PSME4: variants seen among roughly 807,000 people sequenced by gnomAD.
The protein encoded by PSME4 is proteasome activator complex subunit 4.
PSME4 carries 89 observed loss-of-function variants against 253.9 expected under a neutral mutation model. The observed-to-expected ratio is 0.35, with a 90% CI of 0.30 to 0.42. The LOEUF is 0.42. Among genes scored for constraint, PSME4 ranks in the 10% least tolerant of loss-of-function variants. The pLI, the probability that PSME4 is intolerant of heterozygous loss-of-function variation, is 1.00. For synonymous variants in PSME4, 851 were observed against 759.2 expected, an observed-to-expected ratio of 1.12 and a Z score of -1.99; for missense variants, 2,014 against 2,195.2, an observed-to-expected ratio of 0.92 and a Z score of 1.65.
At chr2:53,943,552 A>G (rs1160400939) in intron 3 of PSME4, among the ~76,000 whole-genome samples, 1 of 152,216 alleles carries the variant, frequency 6.6e-6, no homozygotes, top group African/African-American at 2.4e-5. Context: ...AAAGAAAGGT[A>G]TAAATACGCC....
At chr2:53,914,490 G>C (rs995317779) in intron 20 of PSME4, among the ~76,000 whole-genome samples, 1 of 152,052 alleles carries the variant, frequency 6.6e-6, no homozygotes, top group Non-Finnish European at 1.5e-5. Context: ...AATTCAAACT[G>C]TTTTCAATAG....
At chr2:53,933,774 A>G (rs1240567255) in intron 8 of PSME4, among the ~76,000 whole-genome samples, 1 of 152,180 alleles carries the variant, frequency 6.6e-6, no homozygotes, top group Non-Finnish European at 1.5e-5. Flanking sequence ...AATACTAATC[A>G]CTATCCAATT....
intron 26 of PSME4, among the ~76,000 whole-genome samples, chr2:53,905,956 C>T (rs536277678): frequency 5.9e-5 from 9 of 152,264 alleles, no homozygotes; most frequent in South Asian, 4.1e-4. Context: ...ATCTGTAACG[C>T]TCCAATAAAC....
At chr2:53,937,567 A>C in intron 4 of PSME4, 27 bp from the exon 5 acceptor site, 1 of 1,599,312 alleles carries the variant, frequency 6.3e-7, no homozygotes, top group African/African-American at 1.4e-5. Flanking sequence ...GTTTTCATGT[A>C]TCTGATTATT....
chr2:53,892,929 A>G lies in PSME4; in HGVS notation c.4070T>C (p.Leu1357Pro), dbSNP rs750406430. Reference sequence around the variant, plus strand: ...TTCTAAATGGGGCTTCAGAACTGGCAGGAAGGCATCATCAAAATTCCTGAA... The same window carrying G: ...TTCTAAATGGGGCTTCAGAACTGGCGGGAAGGCATCATCAAAATTCCTGAA... The part of the protein sequence containing the change: ...GIFRNFDDAF[L>P]PVLKPHLEHL... The change falls in exon 36 of 47, where the codon CTG becomes CCG. Residue 1357 changes from leucine to proline, a missense_variant. By Grantham distance (98) the Leu-to-Pro change is moderately conservative (BLOSUM62 -3). Around this residue, in one of 4 missense-constraint regions of PSME4, gnomAD observed 989 missense variants for 1,021.1 expected, o/e 0.97. Transcript: ENST00000404125. 1.2e-6 allele frequency: 2 copies of G among 1,613,608 alleles called. No individual in the cohort carries two copies. The highest frequency in any genetic ancestry group is 1.1e-5 in the South Asian group (1 of 90,972).
chr2:53,893,780 T>C lies in PSME4; in HGVS notation c.3932A>G (p.Asp1311Gly), dbSNP rs753305390. Residue 1311 changes from aspartate to glycine, a missense_variant, in exon 35 of 47, where the codon GAT (aspartate) becomes GGT (glycine). Physicochemically the swap from Asp to Gly is moderately conservative, Grantham distance 94. This residue lies in a region of PSME4 where 989 missense variants were observed against 1,021.1 expected (regional missense o/e 0.97). Coordinates refer to ENST00000404125, the MANE Select transcript of PSME4 (RefSeq NM_014614.3). The stretch of plus-strand genomic sequence containing the variant: ...AACAAATTTAGGATCAGAAAAATGA[T>C]CAAATATAATCTGTTCTGCCTATAA... ...DMTEAEQIIFDHFSDPKFVEQ... is the reference protein window; with the variant it reads ...DMTEAEQIIFGHFSDPKFVEQ... 6.2e-7 allele frequency: 1 copy of C among 1,609,006 alleles called. No homozygotes were observed. The highest frequency in any genetic ancestry group is 1.3e-5 in the African/African-American group (1 of 74,818).
At chr2:53,890,661 A>T (rs1182079244) in intron 36 of PSME4, among the ~76,000 whole-genome samples, 1 of 152,168 alleles carries the variant, frequency 6.6e-6, no homozygotes, top group Admixed American at 6.6e-5. Flanking sequence ...ATCACCATAC[A>T]TATCCAGGTA....
At chr2:53,940,865 T>C (rs1047627856) in intron 3 of PSME4, among the ~76,000 whole-genome samples, 1 of 136,108 alleles carries the variant, frequency 7.3e-6, no homozygotes, top group South Asian at 2.3e-4. Context: ...ATATATATAA[T>C]ATATATTTAA....
intron 1 of PSME4, among the ~76,000 whole-genome samples, chr2:53,959,745 A>C (rs188162372): frequency 4.9e-4 from 74 of 152,338 alleles, no homozygotes; most frequent in African/African-American, 1.7e-3. Context: ...GTGAACAAAT[A>C]AGAGGAAAGG....
chr2:53,893,569 G>C lies in PSME4; in HGVS notation c.4038+105C>G. The C allele has an allele frequency of 1.9e-6, 3 of 1,546,170 alleles. No homozygotes were observed. The African/African-American group carries it at 4.2e-5, about 22-fold the overall frequency. On this transcript the variant is annotated intron_variant, in intron 35 of 46. Coordinates refer to ENST00000404125, the MANE Select transcript of PSME4 (RefSeq NM_014614.3). ...CAGTGTAAATTCCAGTGCCATTTTA[G>C]ATCAAGGCAGATGGCTAGCTTTGAT...
intron 17 of PSME4, 29 bp from the exon 18 acceptor site, chr2:53,921,133 T>C: frequency 3.7e-6 from 6 of 1,611,222 alleles, no homozygotes; most frequent in Non-Finnish European, 5.1e-6. Context: ...TAGTTGAAGA[T>C]ATTTTGGTTA....
At chr2:53,921,640 G>A (rs183012521) in intron 17 of PSME4, among the ~76,000 whole-genome samples, 5,140 of 127,080 alleles carry the variant, frequency 0.04, 111 homozygotes, top group Middle Eastern at 0.057. Flanking sequence ...AGGCCGAGGC[G>A]GGCGGATCAC....
intron 1 of PSME4, among the ~76,000 whole-genome samples, chr2:53,968,075 C>T (rs1197094743): frequency 6.6e-6 from 1 of 151,994 alleles, no homozygotes; most frequent in African/African-American, 2.4e-5. Flanking sequence ...GAGTTCAAGA[C>T]CAGCCTGACC....
At chr2:53,892,216 G>A (rs544692450) in intron 36 of PSME4, among the ~76,000 whole-genome samples, 6 of 152,102 alleles carry the variant, frequency 3.9e-5, no homozygotes, top group South Asian at 2.1e-4. Flanking sequence ...TCATCTCTTC[G>A]ACAAAATAGT....
intron 3 of PSME4, among the ~76,000 whole-genome samples, chr2:53,940,959 A>AAATATATATATATACATATT (rs1558413796): frequency 6.9e-4 from 17 of 24,816 alleles, no homozygotes; most frequent in East Asian, 5.6e-3. Context: ...ATACATATAT[A>AAATATATATATATACATATT]TATATATATA....
chr2:53,968,253 C>T (rs1240020175), intron 1 of PSME4, among the ~76,000 whole-genome samples: 7 of 129,838 alleles, frequency 5.4e-5, no homozygotes, highest in Admixed American at 3.4e-4. Flanking sequence ...CCAGCCTGGG[C>T]AACAAAGCAA....
At chr2:53,898,546 A>G (rs1680245000) in intron 29 of PSME4, among the ~76,000 whole-genome samples, 192 bp from the exon 30 acceptor site, 1 of 151,834 alleles carries the variant, frequency 6.6e-6, no homozygotes, top group African/African-American at 2.4e-5. Context: ...GGAAAAGCTC[A>G]TGAAAGGCTA....
In PSME4 at chr2:53,894,996, G is replaced by C; in HGVS notation, c.3912+11C>G. On this transcript the variant is annotated intron_variant, in intron 34 of 46. Transcript: ENST00000404125. ...AGATGCATTTGAACCATGGTGAAATGGAATGCTTACCTCTGTCATATCCTC... is the reference window on the plus strand; with the variant it reads ...AGATGCATTTGAACCATGGTGAAATCGAATGCTTACCTCTGTCATATCCTC... 1 of 1,604,240 alleles carries C rather than the reference G, an allele frequency of 6.2e-7. No homozygotes were observed.
intron 5 of PSME4, 60 bp downstream of exon 5, chr2:53,937,331 T>C: frequency 1.4e-6 from 2 of 1,402,762 alleles, no homozygotes; most frequent in Non-Finnish European, 9.7e-7. Context: ...GTTTTACTAG[T>C]TTCTTTATCT....
Sources: allele counts gnomAD v4.1 joint callset (sites outside exome capture counted in the v4.1 genomes callset), GRCh38; gene constraint gnomAD v4.1.1; regional missense constraint gnomAD v4.1.1; transcripts MANE v1.5; gene names NCBI Gene and HGNC (gene_info 2026-07-23, HGNC 2026-07-21).